Variants in PBRM1 observed in about 807,000 individuals in gnomAD.
PBRM1 encodes the protein protein polybromo-1.
A neutral mutation model predicts 194.5 loss-of-function variants in PBRM1; 27 were observed. The ratio of observed to expected loss-of-function variants is 0.14; its 90% confidence interval spans 0.10 to 0.19. The LOEUF is 0.19. PBRM1 is among the 10% of genes least tolerant of loss of function. The pLI is 1.00. For synonymous variants in PBRM1, 655 were observed against 693.2 expected (o/e 0.94, Z 0.87); for missense variants, 1,466 against 2,077.2 (o/e 0.71, Z 5.72).
At chr3:52,677,353 C>A (rs888664381) in intron 2 of PBRM1, among the ~76,000 whole-genome samples, 10 of 152,080 alleles carry the variant, frequency 6.6e-5, no homozygotes, top group Admixed American at 5.2e-4. Context: ...AAGCAATTCT[C>A]CTGCCTCAGC....
rs144606686 is a variant in PBRM1, at chr3:52,658,488, G to A, written c.529-173C>T. 5.2e-3 allele frequency among the ~76,000 whole-genome samples: 779 copies of A among 151,142 alleles called. 4 individuals carry two copies. Among genetic ancestry groups the A allele is most frequent in the Non-Finnish European group, 7.5e-3 (507 of 67,830 alleles). On this transcript the variant is annotated intron_variant, in intron 4 of 29. Transcript: ENST00000296302. ...CAGCTCACTGCAACCTCCACCTCCT[G>A]GGTTTAAGTAATTCTCCTGCCTCAG...
rs1430079786 is a variant in PBRM1, at chr3:52,619,497, A to T, written c.1542-1959T>A. On this transcript the variant is annotated intron_variant, in intron 13 of 29. Transcript: ENST00000296302. ...GTACATGTACAGTAAAGATGCAATT[A>T]AAAAATTTTTTTTTCTATCCATAGT... Among the ~76,000 whole-genome samples, 3 of 152,242 alleles carry T rather than the reference A, an allele frequency of 2.0e-5. No individual in the cohort carries two copies. The South Asian group carries it at 6.2e-4, about 31-fold the overall frequency.
upstream of PBRM1, among the ~76,000 whole-genome samples, chr3:52,680,043 T>C (rs978321445): frequency 2.6e-5 from 4 of 152,144 alleles, no homozygotes. Context: ...TATGTAGCAG[T>C]ACATTAGTGT....
chr3:52,634,900 G>A, intron 10 of PBRM1, 85 bp from the exon 12 acceptor site: 2 of 899,502 alleles, frequency 2.2e-6, no homozygotes, highest in Non-Finnish European at 1.8e-6. Context: ...CAACCTTCCA[G>A]ATTGAACTAA....
At chr3:52,658,887 C>T (rs1429655629) in intron 4 of PBRM1, among the ~76,000 whole-genome samples, 3 of 152,146 alleles carry the variant, frequency 2.0e-5, no homozygotes, top group Non-Finnish European at 4.4e-5. Flanking sequence ...GTAAATATTG[C>T]AATGGCAAAG....
intron 11 of PBRM1, among the ~76,000 whole-genome samples, chr3:52,633,071 C>T (rs547026607): frequency 3.2e-4 from 48 of 152,188 alleles, no homozygotes; most frequent in African/African-American, 1.1e-3. Context: ...ATTAATATGA[C>T]CATCCATCTC....
chr3:52,606,002 CT>C (rs939457367), intron 16 of PBRM1, among the ~76,000 whole-genome samples: 5 of 150,110 alleles, frequency 3.3e-5, no homozygotes, highest in African/African-American at 1.2e-4. Context: ...CCCTGAAACA[CT>C]TTTTTTTTCT....
chr3:52,549,819 C>T (rs1281098263), intron 29 of PBRM1, among the ~76,000 whole-genome samples: 3 of 151,848 alleles, frequency 2.0e-5, no homozygotes, highest in South Asian at 2.1e-4. Context: ...ACACAAGAAT[C>T]GCTTGAACCT....
chr3:52,652,715 C>T (rs571947219), intron 5 of PBRM1, among the ~76,000 whole-genome samples: 4 of 143,096 alleles, frequency 2.8e-5, no homozygotes, highest in South Asian at 4.5e-4. Flanking sequence ...AATCTAAATT[C>T]GGCAAGGCGC....
At chr3:52,632,387 C>A (rs942742103) in intron 11 of PBRM1, among the ~76,000 whole-genome samples, 1 of 151,940 alleles carries the variant, frequency 6.6e-6, no homozygotes, top group Non-Finnish European at 1.5e-5. Flanking sequence ...AATTCAAGAC[C>A]TGGGCAACAA....
At chr3:52,667,957 G>A (rs1337022242) in intron 3 of PBRM1, among the ~76,000 whole-genome samples, 2 of 151,858 alleles carry the variant, frequency 1.3e-5, no homozygotes, top group African/African-American at 4.8e-5. Context: ...AGAGAAAAAT[G>A]GGCAAAAGAT....
At chr3:52,617,310 C>G in exon 14 of PBRM1, 1 of 1,614,066 alleles carries the variant, frequency 6.2e-7, no homozygotes, top group Non-Finnish European at 8.5e-7. Flanking sequence ...ACATCAGCTT[C>G]ATGTCTTCTA....
At chr3:52,677,979 C>T (rs1275877932) in intron 2 of PBRM1, among the ~76,000 whole-genome samples, 1 of 152,152 alleles carries the variant, frequency 6.6e-6, no homozygotes, top group African/African-American at 2.4e-5. Flanking sequence ...AACAATCCTA[C>T]CACCCCAGCC....
At chr3:52,684,708 T>C (rs986202600), upstream of PBRM1, 3 of 152,226 alleles carry the variant, frequency 2.0e-5, no homozygotes, top group East Asian at 1.9e-4. Context: ...TAATCTATCA[T>C]ATAGATACAC....
At chr3:52,674,071 G>T (rs1385387684) in intron 2 of PBRM1, among the ~76,000 whole-genome samples, 3 of 150,674 alleles carry the variant, frequency 2.0e-5, no homozygotes, top group East Asian at 1.9e-4. Context: ...TATATATATA[G>T]ATATATATAT....
chr3:52,634,515 C>T (rs1279807926), intron 11 of PBRM1, 87 bp downstream of exon 12: 31 of 854,032 alleles, frequency 3.6e-5, no homozygotes, highest in Non-Finnish European at 5.9e-5. Context: ...CTTTAATATC[C>T]TTATCCATTT....
At chr3:52,655,112 A>G (rs901136538) in intron 5 of PBRM1, among the ~76,000 whole-genome samples, 1 of 152,028 alleles carries the variant, frequency 6.6e-6, no homozygotes, top group Non-Finnish European at 1.5e-5. Flanking sequence ...GAAATTTGCC[A>G]TTTTTAAGTG....
At chr3:52,606,923 T>C (rs1459966792) in intron 16 of PBRM1, among the ~76,000 whole-genome samples, 1 of 152,200 alleles carries the variant, frequency 6.6e-6, no homozygotes, top group Non-Finnish European at 1.5e-5. Flanking sequence ...AGTGAATTTT[T>C]CTCTTGTTAC....
chr3:52,567,565 CAAAAAAA>C (rs10644120), intron 22 of PBRM1, among the ~76,000 whole-genome samples: 2 of 91,710 alleles, frequency 2.2e-5, no homozygotes, highest in African/African-American at 8.8e-5. Context: ...TAGGTAATCT[CAAAAAAA>C]AAAAAAAAAG....
Sources: allele counts gnomAD v4.1 joint callset (sites outside exome capture counted in the v4.1 genomes callset), GRCh38; gene constraint gnomAD v4.1.1; transcripts MANE v1.5; gene names NCBI Gene and HGNC (gene_info 2026-07-23, HGNC 2026-07-21).